The following LPAR6 variants were observed in gnomAD, a reference collection of about 807,000 sequenced individuals.
LPAR6 encodes lysophosphatidic acid receptor 6.
Under a neutral mutation model 22.0 loss-of-function variants are expected in LPAR6, and 17 were observed. That is an observed-to-expected ratio of 0.77 (90% CI 0.53 to 1.16). LPAR6 has a LOEUF of 1.16. Ranked by LOEUF, LPAR6 falls within the 50% of genes most tolerant of loss-of-function variation. The pLI, the probability that LPAR6 is intolerant of heterozygous loss-of-function variation, is 0.00. For synonymous variants in LPAR6, 136 were observed against 139.8 expected (o/e 0.97, Z 0.19); for missense variants, 384 against 406.9 (o/e 0.94, Z 0.48).
intron 1 of LPAR6, among the ~76,000 whole-genome samples, chr13:48,438,766 T>C (rs1426119283): frequency 6.6e-6 from 1 of 152,202 alleles, no homozygotes; most frequent in Non-Finnish European, 1.5e-5. Flanking sequence ...ATAATATAAG[T>C]AATGTGGTTG....
At chr13:48,397,926 A>G (rs1356674639) in intron 1 of LPAR6, among the ~76,000 whole-genome samples, 5 of 152,190 alleles carry the variant, frequency 3.3e-5, no homozygotes, top group Admixed American at 1.3e-4. Flanking sequence ...CCTTTGGTGT[A>G]CTTTGCAGAA....
At chr13:48,435,139 T>G (rs146498718) in intron 1 of LPAR6, among the ~76,000 whole-genome samples, 33 of 152,334 alleles carry the variant, frequency 2.2e-4, no homozygotes, top group Non-Finnish European at 3.7e-4. Context: ...ACTGCAAAAG[T>G]ATTTTCCAGA....
chr13:48,411,663 A>G lies in LPAR6; in HGVS notation c.761T>C (p.Leu254Pro), dbSNP rs1192384943. The G allele has an allele frequency of 4.3e-6, 7 of 1,610,900 alleles. No individual in the cohort carries two copies. The highest frequency in any genetic ancestry group is 5.1e-6 in the Non-Finnish European group (6 of 1,177,342). Reference protein sequence around the residue: ...PYNINLILYSLVRTQTFVNCS... With the variant: ...PYNINLILYSPVRTQTFVNCS... Reference sequence around the variant, plus strand: ...ATTAACAAATGTTTGTGTTCTCACAAGAGAATATAAAATAAGATTGATATT... The same window carrying G: ...ATTAACAAATGTTTGTGTTCTCACAGGAGAATATAAAATAAGATTGATATT... Residue 254 changes from leucine to proline, a missense_variant, in exon 1 of 1, where the codon CTT becomes CCT. Coordinates refer to ENST00000620633, the MANE Select transcript of LPAR6 (RefSeq NM_001162498.3).
downstream of LPAR6, chr13:48,406,460 A>G (rs528137984): frequency 3.3e-5 from 5 of 152,310 alleles, no homozygotes; most frequent in East Asian, 9.6e-4. Context: ...TTGTATAAAT[A>G]TAGTTCTTGT....
chr13:48,400,173 A>G (rs1200636373), intron 1 of LPAR6, among the ~76,000 whole-genome samples: 1 of 152,020 alleles, frequency 6.6e-6, no homozygotes, highest in Non-Finnish European at 1.5e-5. Context: ...CATCAAAATA[A>G]CTCTCATTTA....
upstream of LPAR6, chr13:48,416,680 C>T (rs1242177241): frequency 2.0e-5 from 3 of 152,306 alleles, no homozygotes; most frequent in African/African-American, 7.2e-5. Flanking sequence ...AGCTAAGATC[C>T]ACTGGCTTGA....
chr13:48,412,375 A>G lies in LPAR6; in HGVS notation c.49T>C (p.Tyr17His), dbSNP rs1356663646. The change falls in exon 1 of 1, where the codon TAC becomes CAC. Residue 17 changes from tyrosine to histidine, a missense_variant. Physicochemically the swap from Tyr to His is moderately conservative, Grantham distance 83. Transcript: ENST00000620633. ...SHCFYNDSFK[Y>H]TLYGCMFSMV... ...CTGAACATGCACCCATACAAAGTGTACTTAAAGGAGTCATTATAGAAGCAG... is the reference window on the plus strand; with the variant it reads ...CTGAACATGCACCCATACAAAGTGTGCTTAAAGGAGTCATTATAGAAGCAG... 2 of 1,613,900 alleles carry G rather than the reference A, an allele frequency of 1.2e-6. No individual in the cohort carries two copies. The highest frequency in any genetic ancestry group is 1.3e-5 in the African/African-American group (1 of 74,940).
At position 48,412,447 on chromosome 13, in the gene LPAR6, G is replaced by T. The variant is rs768706415; in HGVS notation, c.-24C>A. The T allele has an allele frequency of 2.6e-6, 4 of 1,553,124 alleles. No homozygotes were observed. In the East Asian group the frequency reaches 9.0e-5, roughly 35 times the overall value. The stretch of plus-strand genomic sequence containing the variant: ...ATCGTAAAGGCACGTCCAATTTTCA[G>T]TTTGGAAGCACTTTCATCAGCTGCA... On this transcript the variant is annotated 5_prime_UTR_variant, in exon 1 of 1. The change creates a new upstream start codon in the 5' untranslated region. Transcript: ENST00000620633.
intron 1 of LPAR6, among the ~76,000 whole-genome samples, chr13:48,444,004 C>T (rs538820189): frequency 9.9e-5 from 15 of 152,158 alleles, no homozygotes; most frequent in African/African-American, 3.6e-4. Flanking sequence ...TTTTTTTCCC[C>T]ACACACTAAG....
intron 1 of LPAR6, among the ~76,000 whole-genome samples, chr13:48,439,286 T>C (rs1043485730): frequency 6.6e-6 from 1 of 152,210 alleles, no homozygotes; most frequent in Non-Finnish European, 1.5e-5. Context: ...ATATTTAGCA[T>C]AGAACCTAGC....
intron 1 of LPAR6, among the ~76,000 whole-genome samples, chr13:48,425,585 G>C (rs573242330): frequency 6.6e-6 from 1 of 152,068 alleles, no homozygotes; most frequent in Non-Finnish European, 1.5e-5. Flanking sequence ...AAAAATTAAT[G>C]TGCGTCTCCT....
At chr13:48,436,557 C>T (rs990986000) in intron 1 of LPAR6, among the ~76,000 whole-genome samples, 4 of 151,984 alleles carry the variant, frequency 2.6e-5, no homozygotes, top group Non-Finnish European at 1.5e-5. Context: ...GCAGGAGAAT[C>T]GCTTGAACCC....
chr13:48,406,201 A>ATG (rs146588176), downstream of LPAR6, among the ~76,000 whole-genome samples: 1 of 151,860 alleles, frequency 6.6e-6, no homozygotes, highest in Non-Finnish European at 1.5e-5. Flanking sequence ...CAAAGGGTTA[A>ATG]TGTGTGTGTG....
At chr13:48,425,352 A>G (rs1440354795) in intron 1 of LPAR6, among the ~76,000 whole-genome samples, 1 of 152,240 alleles carries the variant, frequency 6.6e-6, no homozygotes, top group African/African-American at 2.4e-5. Flanking sequence ...CAAGGATGCT[A>G]TGTAACCTAG....
downstream of LPAR6, among the ~76,000 whole-genome samples, chr13:48,406,917 G>A (rs372739737): frequency 2.7e-5 from 4 of 149,782 alleles, no homozygotes; most frequent in Admixed American, 6.6e-5. Context: ...AAACAAACAG[G>A]GTTCTTACCC....
At chr13:48,422,630 A>C (rs192938113) in intron 2 of LPAR6, 7 of 152,256 alleles carry the variant, frequency 4.6e-5, no homozygotes, top group Admixed American at 3.9e-4. Flanking sequence ...CCCTGTCTCC[A>C]TAAAAAATTT....
chr13:48,425,174 A>T (rs1317101350), intron 1 of LPAR6, among the ~76,000 whole-genome samples: 2 of 152,230 alleles, frequency 1.3e-5, no homozygotes, highest in African/African-American at 2.4e-5. Flanking sequence ...CTTCTTGAGG[A>T]GATGATGTGT....
At chr13:48,418,368 G>A (rs1012254981) in intron 2 of LPAR6, among the ~76,000 whole-genome samples, 1 of 152,072 alleles carries the variant, frequency 6.6e-6, no homozygotes, top group Non-Finnish European at 1.5e-5. Context: ...CATTACAAGA[G>A]CTCCTGAAGG....
chr13:48,403,744 T>A (rs888628190), intron 1 of LPAR6, among the ~76,000 whole-genome samples: 1 of 152,182 alleles, frequency 6.6e-6, no homozygotes, highest in Admixed American at 6.5e-5. Flanking sequence ...ATTTCTGATA[T>A]GTTTCCAGGT....
Sources: gnomAD v4.1 joint callset for allele counts (sites outside exome capture counted in the v4.1 genomes callset) on GRCh38, gnomAD v4.1.1 for gene constraint, MANE v1.5 for transcripts, NCBI Gene and HGNC (gene_info 2026-07-23, HGNC 2026-07-21) for gene names.